ROR1: variants seen among roughly 807,000 people sequenced by gnomAD.
The protein encoded by ROR1 is inactive tyrosine-protein kinase transmembrane receptor ROR1.
ROR1 carries 19 observed loss-of-function variants against 78.8 expected under a neutral mutation model. The ratio of observed to expected loss-of-function variants is 0.24; its 90% CI spans 0.17 to 0.35. The LOEUF is 0.35. ROR1 is among the 10% of genes least tolerant of loss of function. ROR1 has a pLI of 1.00. For missense variants in ROR1, 917 were observed against 1,177.8 expected (o/e 0.78, Z 3.24); for synonymous variants, 386 against 433.6 (o/e 0.89, Z 1.36).
chr1:63,899,569 A>C lies in ROR1; in HGVS notation c.92-109736A>C, dbSNP rs562471439. ...CTGAATTGCTCCGAGCCTTAAGCCC[A>C]AGCCTCTTTTCAACAGTGCTGCAGC... On this transcript the variant is annotated intron_variant, in intron 1 of 8. Coordinates refer to ENST00000371079, the MANE Select transcript of ROR1 (RefSeq NM_005012.4). Among the ~76,000 whole-genome samples the C allele has an allele frequency of 6.6e-5, 10 of 152,230 alleles. No individual in the cohort carries two copies. In the South Asian group the frequency reaches 2.1e-3, roughly 32 times the overall value.
At chr1:64,070,153 G>A (rs913733037) in intron 4 of ROR1, among the ~76,000 whole-genome samples, 1 of 152,126 alleles carries the variant, frequency 6.6e-6, no homozygotes, top group African/African-American at 2.4e-5. Flanking sequence ...ACAGTATGTG[G>A]CCTTTTGTGT....
intron 1 of ROR1, among the ~76,000 whole-genome samples, chr1:63,973,828 A>G (rs1317151400): frequency 4.6e-5 from 7 of 152,352 alleles, no homozygotes; most frequent in African/African-American, 1.7e-4. Flanking sequence ...CAGAACCCTA[A>G]GTATTCTAAG....
At chr1:63,942,767 G>T (rs1008671521) in intron 1 of ROR1, among the ~76,000 whole-genome samples, 4 of 152,110 alleles carry the variant, frequency 2.6e-5, no homozygotes, top group Non-Finnish European at 4.4e-5. Flanking sequence ...CTTCCCCACC[G>T]CTGGGCATTT....
At chr1:63,776,945 G>T (rs974307268) in intron 1 of ROR1, among the ~76,000 whole-genome samples, 6 of 152,150 alleles carry the variant, frequency 3.9e-5, no homozygotes, top group Non-Finnish European at 8.8e-5. Context: ...AGGTAGCCCA[G>T]CCAGTGGCTC....
At chr1:63,948,784 A>G (rs1398192025) in intron 1 of ROR1, among the ~76,000 whole-genome samples, 1 of 152,162 alleles carries the variant, frequency 6.6e-6, no homozygotes, top group Non-Finnish European at 1.5e-5. Context: ...TCTTTCTGCC[A>G]TGAGATTTAC....
At position 63,811,960 on chromosome 1, in the gene ROR1, G is replaced by GTTT. The variant is rs568040372; in HGVS notation, c.91+37468_91+37470dup. 8.9e-4 allele frequency among the ~76,000 whole-genome samples: 110 copies of GTTT among 124,014 alleles called. 1 individual carries two copies. Among genetic ancestry groups the GTTT allele is most frequent in the African/African-American group, 3.1e-3 (98 of 31,466 alleles). The allele number at this position is 124,014 out of a possible 152,430, so 81.4% of individuals were successfully genotyped here. On this transcript the variant is annotated intron_variant, in intron 1 of 8. Coordinates refer to ENST00000371079, the MANE Select transcript of ROR1 (RefSeq NM_005012.4). ...GCTTTCGGGAAATAAAACCAGAGGT[G>GTTT]TTTTTTTTTTTTTTTTTTGAGACAG...
chr1:64,166,885 G>C (rs1318989083), intron 8 of ROR1, among the ~76,000 whole-genome samples: 1 of 152,152 alleles, frequency 6.6e-6, no homozygotes, highest in African/African-American at 2.4e-5. Context: ...AATGTCTATA[G>C]AAACTCTACT....
intron 4 of ROR1, among the ~76,000 whole-genome samples, chr1:64,121,261 C>CCTTCCAT (rs1553159804): frequency 0.28 from 38,174 of 137,688 alleles, 5,408 homozygotes; most frequent in Middle Eastern, 0.31. Flanking sequence ...TTCCTTCCAT[C>CCTTCCAT]CTCCTGTTTC....
intron 4 of ROR1, among the ~76,000 whole-genome samples, chr1:64,090,687 G>A (rs1647188533): frequency 6.6e-6 from 1 of 152,176 alleles, no homozygotes; most frequent in Non-Finnish European, 1.5e-5. Context: ...AAGTTGTCCT[G>A]GTGATAAGCA....
intron 4 of ROR1, among the ~76,000 whole-genome samples, chr1:64,084,366 A>T (rs564721947): frequency 6.6e-6 from 1 of 152,344 alleles, no homozygotes; most frequent in Non-Finnish European, 1.5e-5. Context: ...ACTTACAGCT[A>T]TCAAGGAAAC....
chr1:64,132,900 G>A (rs561808113), intron 4 of ROR1, among the ~76,000 whole-genome samples: 6 of 152,138 alleles, frequency 3.9e-5, no homozygotes, highest in East Asian at 3.9e-4. Flanking sequence ...ATTCTGATGA[G>A]GAAGAAAATC....
rs571658186 is a variant in ROR1 at position 63,936,874 on chromosome 1, G to A, written c.92-72431G>A. Among the ~76,000 whole-genome samples, 6 of 152,232 alleles carry A rather than the reference G, an allele frequency of 3.9e-5. No individual in the cohort carries two copies. In the South Asian group the frequency reaches 6.2e-4, roughly 16 times the overall value. ...TATAAATTCCCTGAGGGCAGGGGCC[G>A]TCTCTGATTTAGGCCTCTTCATATT... On this transcript the variant is annotated intron_variant, in intron 1 of 8. Transcript: ENST00000371079.
chr1:63,821,207 T>A (rs1644921359), intron 1 of ROR1, among the ~76,000 whole-genome samples: 1 of 152,202 alleles, frequency 6.6e-6, no homozygotes, highest in Non-Finnish European at 1.5e-5. Context: ...GTCCTTATCC[T>A]TATTTCATTG....
At chr1:63,930,039 A>G (rs972361557) in intron 1 of ROR1, among the ~76,000 whole-genome samples, 1 of 152,140 alleles carries the variant, frequency 6.6e-6, no homozygotes. Context: ...ATAAGTATAC[A>G]CATGCCATGG....
intron 1 of ROR1, among the ~76,000 whole-genome samples, chr1:64,008,128 C>T (rs1265786419): frequency 2.6e-5 from 4 of 152,096 alleles, no homozygotes; most frequent in Non-Finnish European, 5.9e-5. Context: ...TGCCCCACTC[C>T]CTCTATCCTT....
At chr1:63,899,337 C>T (rs949073628) in intron 1 of ROR1, among the ~76,000 whole-genome samples, 33 of 152,176 alleles carry the variant, frequency 2.2e-4, no homozygotes, top group African/African-American at 8.0e-4. Context: ...AAACCCAGCA[C>T]GTTGATAGTT....
At chr1:63,886,691 GAA>G (rs1034295619) in intron 1 of ROR1, among the ~76,000 whole-genome samples, 3 of 152,230 alleles carry the variant, frequency 2.0e-5, no homozygotes, top group East Asian at 1.9e-4. Context: ...ATTTAGAGAA[GAA>G]AAGTTTTTCT....
At chr1:64,023,143 G>A (rs534744802) in intron 2 of ROR1, among the ~76,000 whole-genome samples, 4 of 152,068 alleles carry the variant, frequency 2.6e-5, no homozygotes, top group African/African-American at 4.8e-5. Flanking sequence ...GTGCTGGATC[G>A]CAGGTAAACC....
chr1:63,994,221 G>T (rs1385633462), intron 1 of ROR1, among the ~76,000 whole-genome samples: 3 of 151,878 alleles, frequency 2.0e-5, no homozygotes, highest in Non-Finnish European at 4.4e-5. Flanking sequence ...TTTCTGATTG[G>T]TAGGAAATTT....
Sources: gnomAD v4.1 joint callset for allele counts (sites outside exome capture counted in the v4.1 genomes callset) on GRCh38, gnomAD v4.1.1 for gene constraint, MANE v1.5 for transcripts, NCBI Gene and HGNC (gene_info 2026-07-23, HGNC 2026-07-21) for gene names.